Variants in ZNF827 observed in about 807,000 individuals in gnomAD.
ZNF827 encodes the protein zinc finger protein 827.
A neutral mutation model predicts 102.4 loss-of-function variants in ZNF827; 13 were observed. The ratio of observed to expected loss-of-function variants is 0.13; its 90% CI spans 0.08 to 0.20. The LOEUF (loss-of-function observed/expected upper bound fraction) is 0.20. Among genes scored for constraint, ZNF827 ranks in the 10% least tolerant of loss-of-function variants. The pLI, the probability that ZNF827 is intolerant of heterozygous loss-of-function variation, is 1.00. For missense variants in ZNF827, 1,103 were observed against 1,344.4 expected (o/e 0.82, Z 2.81); for synonymous variants, 523 against 536.2 (o/e 0.98, Z 0.34).
At chr4:145,933,900 C>A (rs556713007) in intron 1 of ZNF827, among the ~76,000 whole-genome samples, 2 of 152,102 alleles carry the variant, frequency 1.3e-5, no homozygotes, top group Non-Finnish European at 2.9e-5. Flanking sequence ...TGCGTGGTAA[C>A]GGTCACAGCA....
intron 3 of ZNF827, among the ~76,000 whole-genome samples, chr4:145,889,878 G>A (rs1452345410): frequency 6.6e-6 from 1 of 151,846 alleles, no homozygotes; most frequent in Non-Finnish European, 1.5e-5. Context: ...TCGGGAGACT[G>A]AAGCAGGAGA....
intron 4 of ZNF827, among the ~76,000 whole-genome samples, chr4:145,872,870 G>A (rs964044549): frequency 2.0e-5 from 3 of 150,738 alleles, no homozygotes; most frequent in Middle Eastern, 3.4e-3. Context: ...GCGAGATTCT[G>A]TCTCAAAAAA....
chr4:145,913,400 T>C (rs1378993773), intron 1 of ZNF827, among the ~76,000 whole-genome samples: 1 of 116,752 alleles, frequency 8.6e-6, no homozygotes, highest in East Asian at 2.8e-4. Flanking sequence ...CATTCCAGCC[T>C]GGGCAACAGA....
chr4:145,820,890 A>G (rs1407885680), intron 8 of ZNF827, among the ~76,000 whole-genome samples: 1 of 152,224 alleles, frequency 6.6e-6, no homozygotes, highest in Non-Finnish European at 1.5e-5. Context: ...ATAAGAACCC[A>G]TGACTCTTAT....
At chr4:145,891,168 C>T (rs1750572415) in intron 3 of ZNF827, among the ~76,000 whole-genome samples, 1 of 152,180 alleles carries the variant, frequency 6.6e-6, no homozygotes, top group South Asian at 2.1e-4. Context: ...TTAAGATGCT[C>T]AATGATAGTT....
chr4:145,787,368 C>T (rs1046182839), intron 8 of ZNF827, among the ~76,000 whole-genome samples: 1 of 148,974 alleles, frequency 6.7e-6, no homozygotes, highest in Non-Finnish European at 1.5e-5. Context: ...GAGGCTGAGG[C>T]AGGAGAATCG....
At chr4:145,894,182 T>A (rs1161063572) in intron 2 of ZNF827, among the ~76,000 whole-genome samples, 4 of 152,112 alleles carry the variant, frequency 2.6e-5, no homozygotes, top group Admixed American at 2.6e-4. Context: ...ATGTCTGGGA[T>A]TTGCTTTAAA....
intron 5 of ZNF827, among the ~76,000 whole-genome samples, chr4:145,867,389 T>C (rs896471547): frequency 5.9e-5 from 9 of 152,242 alleles, no homozygotes; most frequent in East Asian, 3.8e-4. Flanking sequence ...TTTCTCCACA[T>C]AGAAAAGTTC....
chr4:145,936,599 G>A (rs1754190422), intron 1 of ZNF827, among the ~76,000 whole-genome samples: 2 of 152,164 alleles, frequency 1.3e-5, no homozygotes, highest in Non-Finnish European at 2.9e-5. Context: ...GGGTGACACG[G>A]AGGCGCGGGG....
intron 1 of ZNF827, among the ~76,000 whole-genome samples, chr4:145,910,133 T>C (rs1315678036): frequency 1.3e-5 from 2 of 152,022 alleles, no homozygotes; most frequent in Non-Finnish European, 2.9e-5. Context: ...ACGAGAGTAG[T>C]CCACACACGG....
intron 2 of ZNF827, among the ~76,000 whole-genome samples, chr4:145,899,317 G>A (rs1751227663): frequency 6.6e-6 from 1 of 152,162 alleles, no homozygotes; most frequent in Middle Eastern, 3.4e-3. Flanking sequence ...GGAGGGAGGG[G>A]GAGGGAAGAA....
intron 9 of ZNF827, among the ~76,000 whole-genome samples, chr4:145,778,353 CA>C (rs1362556392): frequency 6.6e-6 from 1 of 152,234 alleles, no homozygotes; most frequent in African/African-American, 2.4e-5. Context: ...AGGCTGGTCT[CA>C]AACTCCTGAC....
At chr4:145,899,620 T>C (rs1443313737) in intron 2 of ZNF827, among the ~76,000 whole-genome samples, 1 of 152,212 alleles carries the variant, frequency 6.6e-6, no homozygotes, top group Admixed American at 6.5e-5. Context: ...CGTGGACGTA[T>C]GGAATATTTT....
At chr4:145,808,028 T>C (rs944150773) in intron 8 of ZNF827, among the ~76,000 whole-genome samples, 20 of 151,632 alleles carry the variant, frequency 1.3e-4, no homozygotes, top group African/African-American at 4.6e-4. Flanking sequence ...CTTGCCTACA[T>C]GTTAAAAGCA....
At chr4:145,889,809 T>C (rs1479218343) in intron 3 of ZNF827, among the ~76,000 whole-genome samples, 1 of 152,090 alleles carries the variant, frequency 6.6e-6, no homozygotes, top group Non-Finnish European at 1.5e-5. Context: ...AAACCTCGTC[T>C]CTACTAAAAA....
chr4:145,846,893 C>A (rs1746020137), intron 6 of ZNF827, among the ~76,000 whole-genome samples: 1 of 148,914 alleles, frequency 6.7e-6, no homozygotes, highest in African/African-American at 2.5e-5. Flanking sequence ...GTGGCTCATG[C>A]CTGTAATCCC....
At position 145,765,169 on chromosome 4, in the gene ZNF827, C is replaced by A; in HGVS notation, c.3053-4G>T. On this transcript the variant is annotated splice_region_variant and splice_polypyrimidine_tract_variant and intron_variant, in intron 12 of 14. Transcript: ENST00000508784. This position sits in a 1 kb window ranked among gnomAD's most constrained non-coding sequence, Gnocchi z 4.7. ...TTGCAAAAAACACATTCGAACCCTG[C>A]AAGGACCGAAGCTGGGTATAGAGGT... 6.3e-7 allele frequency: 1 copy of A among 1,599,674 alleles called. No homozygotes were observed. Among genetic ancestry groups the A allele is most frequent in the South Asian group, 1.1e-5 (1 of 87,274 alleles).
At chr4:145,874,921 G>A (rs1044976930) in intron 4 of ZNF827, among the ~76,000 whole-genome samples, 7 of 152,120 alleles carry the variant, frequency 4.6e-5, no homozygotes, top group African/African-American at 1.7e-4. Context: ...TGTACTTGAT[G>A]GAGGTGGACC....
rs772809074 is a variant in ZNF827, at chr4:145,765,704, G to C, written c.2895C>G (p.Ser965Arg). ...GAGCTGAGAGGGAGGATGAAGAGGG[G>C]CTATTTGATTCGCTGGGGGTCTTCC... is the stretch of plus-strand genomic sequence containing the variant. ...EDRKTPSESN[S>R]PSSSSLSALS... The change falls in exon 12 of 15, where the codon AGC (serine) becomes AGG (arginine). Residue 965 changes from serine to arginine, a missense_variant. By Grantham distance (110) the Ser-to-Arg change is moderately radical. Around this residue, in one of 5 missense-constraint regions of ZNF827, gnomAD observed 242 missense variants for 361.9 expected, o/e 0.67. Transcript: ENST00000508784. The surrounding 1 kb of genome is among the most constrained non-coding windows in gnomAD (Gnocchi z 4.7). The C allele has an allele frequency of 6.2e-7, 1 of 1,614,116 alleles. No individual in the cohort carries two copies. Among genetic ancestry groups the C allele is most frequent in the East Asian group, 2.2e-5 (1 of 44,876 alleles).
Sources: allele counts gnomAD v4.1 joint callset (sites outside exome capture counted in the v4.1 genomes callset), GRCh38; gene constraint gnomAD v4.1.1; regional missense constraint gnomAD v4.1.1; non-coding constraint Gnocchi (gnomAD v3.1); transcripts MANE v1.5; gene names NCBI Gene and HGNC (gene_info 2026-07-23, HGNC 2026-07-21).